Variants in ZFYVE9 observed in about 807,000 individuals in gnomAD.
ZFYVE9 encodes zinc finger FYVE-type containing 9.
ZFYVE9 carries 43 observed loss-of-function variants against 126.7 expected under a neutral mutation model. The observed-to-expected ratio is 0.34, with a 90% CI of 0.27 to 0.44. The LOEUF (loss-of-function observed/expected upper bound fraction) is 0.44, where lower values mean the gene tolerates loss of function less well. Among genes scored for constraint, ZFYVE9 ranks in the 20% least tolerant of loss-of-function variants. The pLI is 1.00. For synonymous variants in ZFYVE9, 521 were observed against 597.4 expected (o/e 0.87, Z 1.87); for missense variants, 1,476 against 1,697.0 (o/e 0.87, Z 2.29).
intron 13 of ZFYVE9, among the ~76,000 whole-genome samples, chr1:52,328,964 TAG>T (rs1312257365): frequency 2.6e-5 from 4 of 152,158 alleles, no homozygotes. Context: ...GATGATGCCT[TAG>T]AGTTGTATGG....
rs769641399 is a variant in ZFYVE9 at position 52,263,767 on chromosome 1, C to T, written c.2179-6C>T. ...TTGTGTGTTCTTCCCCCCCCCCCCCCCACAGGTTTTCTGTGCTTCCTGCTG... is the reference window on the plus strand; with the variant it reads ...TTGTGTGTTCTTCCCCCCCCCCCCCTCACAGGTTTTCTGTGCTTCCTGCTG... On this transcript the variant is annotated splice_polypyrimidine_tract_variant and splice_region_variant and intron_variant, in intron 4 of 18. Coordinates refer to ENST00000287727, the MANE Select transcript of ZFYVE9 (RefSeq NM_004799.4). 22 of 1,230,890 alleles carry T rather than the reference C, an allele frequency of 1.8e-5. No individual in the cohort carries two copies. The South Asian group carries it at 2.8e-4, about 16-fold the overall frequency. The allele number at this position is 1,230,890 out of a possible 1,614,324, so 76.2% of individuals were successfully genotyped here.
At chr1:52,190,671 T>A (rs1644808081) in intron 1 of ZFYVE9, among the ~76,000 whole-genome samples, 1 of 152,210 alleles carries the variant, frequency 6.6e-6, no homozygotes, top group South Asian at 2.1e-4. Flanking sequence ...CTGTGGTTCA[T>A]TATAAGGGTC....
intron 2 of ZFYVE9, among the ~76,000 whole-genome samples, chr1:52,230,147 C>T (rs1452973088): frequency 2.0e-5 from 3 of 152,084 alleles, no homozygotes; most frequent in East Asian, 1.9e-4. Flanking sequence ...GGATTACAGG[C>T]GTGAGCCTCC....
In ZFYVE9 at chr1:52,169,529, G is replaced by T. The variant is rs2124522471; in HGVS notation, c.-143+27126G>T. On this transcript the variant is annotated intron_variant, in intron 1 of 18. Coordinates refer to ENST00000287727, the MANE Select transcript of ZFYVE9 (RefSeq NM_004799.4). ...ATCATTCATTTCCATCCATTAGAAT[G>T]TAATCTCTGCGAGGGCTCAGGTTTT... Among the ~76,000 whole-genome samples, 2 of 152,256 alleles carry T rather than the reference G, an allele frequency of 1.3e-5. 1 individual carries two copies. Among genetic ancestry groups the T allele is most frequent in the Middle Eastern group, 6.8e-3 (2 of 294 alleles).
intron 11 of ZFYVE9, among the ~76,000 whole-genome samples, chr1:52,294,285 G>A (rs1232181797): frequency 6.6e-6 from 1 of 152,114 alleles, no homozygotes; most frequent in Non-Finnish European, 1.5e-5. Flanking sequence ...CTGTAACTTT[G>A]GGCAAGTCAC....
At chr1:52,216,228 A>G (rs1645071283) in intron 1 of ZFYVE9, 141 bp from the exon 2 acceptor site, 1 of 395,364 alleles carries the variant, frequency 2.5e-6, no homozygotes, top group Non-Finnish European at 4.5e-6. Flanking sequence ...TATGCAAGCC[A>G]GGTCTTTGAA....
chr1:52,169,638 G>A (rs548575477), intron 1 of ZFYVE9, among the ~76,000 whole-genome samples: 2 of 152,124 alleles, frequency 1.3e-5, no homozygotes, highest in African/African-American at 2.4e-5. Flanking sequence ...GTGTTTAACT[G>A]ACTTAATTAT....
intron 4 of ZFYVE9, among the ~76,000 whole-genome samples, chr1:52,256,021 C>A (rs1236921116): frequency 7.8e-6 from 1 of 127,516 alleles, no homozygotes; most frequent in Non-Finnish European, 1.6e-5. Flanking sequence ...TCTTTCCTTT[C>A]TTTCTTTCTG....
intron 10 of ZFYVE9, among the ~76,000 whole-genome samples, chr1:52,283,751 T>C (rs1315134521): frequency 6.6e-6 from 1 of 152,196 alleles, no homozygotes; most frequent in Non-Finnish European, 1.5e-5. Flanking sequence ...CAGAAAACTT[T>C]CTGAGATGAG....
chr1:52,262,788 C>G (rs1645591751), intron 4 of ZFYVE9, among the ~76,000 whole-genome samples: 1 of 152,014 alleles, frequency 6.6e-6, no homozygotes, highest in African/African-American at 2.4e-5. Flanking sequence ...GAAAATAAAT[C>G]TGGCCGGGTG....
At chr1:52,333,576 C>CTTT (rs1646363022) in intron 14 of ZFYVE9, among the ~76,000 whole-genome samples, 1 of 151,972 alleles carries the variant, frequency 6.6e-6, no homozygotes, top group Admixed American at 6.6e-5. Flanking sequence ...GCTCAAGAGG[C>CTTT]GTTACCCAAA....
At chr1:52,155,281 T>C (rs555725452) in intron 1 of ZFYVE9, among the ~76,000 whole-genome samples, 3 of 149,372 alleles carry the variant, frequency 2.0e-5, no homozygotes, top group East Asian at 2.0e-4. Flanking sequence ...TCGCCCAGGC[T>C]GGAGTGCAGT....
intron 1 of ZFYVE9, among the ~76,000 whole-genome samples, chr1:52,203,081 C>T (rs1644939513): frequency 6.6e-6 from 1 of 152,042 alleles, no homozygotes; most frequent in African/African-American, 2.4e-5. Flanking sequence ...TTTCTTCTTG[C>T]TTATATGGTT....
chr1:52,263,440 C>G (rs766163280), intron 4 of ZFYVE9, among the ~76,000 whole-genome samples: 1 of 152,128 alleles, frequency 6.6e-6, no homozygotes, highest in East Asian at 1.9e-4. Flanking sequence ...ATGTAACTAT[C>G]TTTCAACACC....
intron 2 of ZFYVE9, among the ~76,000 whole-genome samples, chr1:52,228,600 A>T (rs346552): frequency 5.6e-4 from 85 of 152,310 alleles, no homozygotes; most frequent in African/African-American, 2.0e-3. Flanking sequence ...AGTTAGTTGC[A>T]GACAACACAA....
In ZFYVE9 at chr1:52,278,627, T is replaced by C. The variant is rs1356002431; in HGVS notation, c.2869+13T>C. 6.7e-7 allele frequency: 1 copy of C among 1,494,428 alleles called. No homozygotes were observed. The highest frequency in any genetic ancestry group is 2.0e-5 in the Admixed American group (1 of 49,816). The allele number at this position is 1,494,428 out of a possible 1,614,324, so 92.6% of individuals were successfully genotyped here. A position where few individuals can be genotyped will look rare whatever the true frequency, so the allele number is the denominator to read the frequency against. ...AAAATTGTAAATTGTAAGTTATAAA[T>C]TTTTAAAAATTAAAATCAGATGTTT... On this transcript the variant is annotated intron_variant, in intron 9 of 18. Transcript: ENST00000287727.
chr1:52,171,620 TG>T (rs1465740911), intron 1 of ZFYVE9, among the ~76,000 whole-genome samples: 6 of 152,088 alleles, frequency 3.9e-5, no homozygotes, highest in Admixed American at 3.9e-4. Flanking sequence ...CCACCAACAG[TG>T]TAAAAGTGTT....
At chr1:52,160,555 T>C in intron 1 of ZFYVE9, 1 of 763,124 alleles carries the variant, frequency 1.3e-6, no homozygotes, top group Non-Finnish European at 2.4e-6. Context: ...CCTCAAGTGC[T>C]GCTCTCATGA....
chr1:52,255,919 T>G (rs1569598144), intron 4 of ZFYVE9, among the ~76,000 whole-genome samples: 1 of 85,692 alleles, frequency 1.2e-5, no homozygotes, highest in Non-Finnish European at 2.2e-5. Context: ...TTTTCTTTTC[T>G]TTTCTTTTCT....
Sources: allele counts gnomAD v4.1 joint callset (sites outside exome capture counted in the v4.1 genomes callset), GRCh38; gene constraint gnomAD v4.1.1; transcripts MANE v1.5; gene names NCBI Gene and HGNC (gene_info 2026-07-23, HGNC 2026-07-21).